UBE2Q2: variants seen among roughly 807,000 people sequenced by gnomAD.
UBE2Q2 encodes the protein ubiquitin conjugating enzyme E2 Q2, also known as ubiquitin-conjugating enzyme E2 Q2.
UBE2Q2 carries 54 observed loss-of-function variants against 59.9 expected under a neutral mutation model. The ratio of observed to expected loss-of-function variants is 0.90; its 90% CI spans 0.72 to 1.13. The LOEUF is 1.13. Among genes scored for constraint, UBE2Q2 ranks in the 50% most tolerant of loss-of-function variants. The pLI, the probability that UBE2Q2 is intolerant of heterozygous loss-of-function variation, is 0.00. For synonymous variants in UBE2Q2, 165 were observed against 155.2 expected (o/e 1.06, Z -0.47); for missense variants, 433 against 441.9 (o/e 0.98, Z 0.18).
chr15:75,876,065 C>CAAA (rs33923600), intron 5 of UBE2Q2, 122 bp from the exon 6 acceptor site: 68,150 of 529,132 alleles, frequency 0.13, 2,906 homozygotes, highest in African/African-American at 0.23. Flanking sequence ...ACTCCATCTC[C>CAAA]AAAAAAAAAA....
intron 8 of UBE2Q2, among the ~76,000 whole-genome samples, chr15:75,882,531 T>C (rs111280054): frequency 1.3e-5 from 2 of 152,268 alleles, no homozygotes; most frequent in African/African-American, 4.8e-5. Flanking sequence ...ATCTAAATAA[T>C]AGGAGGTTAA....
Position 75,877,662 on chromosome 15 carries a change from G to A in UBE2Q2, c.674-299G>A, listed in dbSNP as rs142814707. Among the ~76,000 whole-genome samples, 11 of 152,284 alleles carry A rather than the reference G, an allele frequency of 7.2e-5. No individual in the cohort carries two copies. In the East Asian group the frequency reaches 2.1e-3, roughly 29 times the overall value. On this transcript the variant is annotated intron_variant, in intron 6 of 12. Coordinates refer to ENST00000267938, the MANE Select transcript of UBE2Q2 (RefSeq NM_173469.4). ...GGATTCCATCTTTGTAGAAATGTGT[G>A]TTCATGGAAGAAAAGTCTTAAGTAC... is the stretch of plus-strand genomic sequence containing the variant.
At chr15:75,884,499 G>A (rs1898645068) in intron 9 of UBE2Q2, among the ~76,000 whole-genome samples, 1 of 152,082 alleles carries the variant, frequency 6.6e-6, no homozygotes, top group South Asian at 2.1e-4. Flanking sequence ...ACTAACTTTG[G>A]TGTTGATACT....
At chr15:75,856,338 A>C (rs927425663) in intron 2 of UBE2Q2, among the ~76,000 whole-genome samples, 12 of 151,208 alleles carry the variant, frequency 7.9e-5, no homozygotes, top group African/African-American at 2.9e-4. Flanking sequence ...TTGGAAGTTG[A>C]CAAAATGACT....
chr15:75,857,355 CAT>C (rs945979980), intron 2 of UBE2Q2, among the ~76,000 whole-genome samples: 121 of 152,218 alleles, frequency 7.9e-4, no homozygotes, highest in African/African-American at 2.8e-3. Context: ...ATTACATAAA[CAT>C]GTTCATAAGG....
At chr15:75,867,527 T>C (rs1466151037) in intron 3 of UBE2Q2, among the ~76,000 whole-genome samples, 4 of 152,340 alleles carry the variant, frequency 2.6e-5, no homozygotes, top group Non-Finnish European at 2.9e-5. Flanking sequence ...TAAAATTCTG[T>C]CATTTCAGTG....
chr15:75,843,506 C>T lies in UBE2Q2; in HGVS notation c.-161C>T. 2.9e-6 allele frequency: 1 copy of T among 347,524 alleles called. No homozygotes were observed. Among genetic ancestry groups the T allele is most frequent in the Non-Finnish European group, 4.7e-6 (1 of 211,658 alleles). 21.5% of individuals were successfully genotyped at this position (347,524 alleles called of 1,614,324 possible). A position where few individuals can be genotyped will look rare whatever the true frequency, so the allele number is the denominator to read the frequency against. On this transcript the variant is annotated 5_prime_UTR_variant, in exon 1 of 13. Transcript: ENST00000267938. ...CCGCCACACGCCGAGGCTTCCGCGC[C>T]CCTCGCCATTTTCCAGCAGCGCTCG...
intron 1 of UBE2Q2, among the ~76,000 whole-genome samples, chr15:75,847,634 C>G (rs1400160043): frequency 1.2e-4 from 19 of 152,128 alleles, no homozygotes; most frequent in Admixed American, 1.2e-3. Context: ...TTGTTACAAT[C>G]ACACCGAAAT....
intron 2 of UBE2Q2, among the ~76,000 whole-genome samples, chr15:75,856,199 A>G (rs575498340): frequency 5.5e-4 from 83 of 151,136 alleles, no homozygotes; most frequent in African/African-American, 1.5e-3. Flanking sequence ...AAAAAAATGT[A>G]TATATATATG....
At chr15:75,844,101 C>G (rs1206220519) in intron 1 of UBE2Q2, 20 of 1,414,770 alleles carry the variant, frequency 1.4e-5, no homozygotes, top group African/African-American at 1.5e-5. Flanking sequence ...CATCTCGGTC[C>G]CCGTCTCCTA....
intron 9 of UBE2Q2, among the ~76,000 whole-genome samples, chr15:75,886,570 G>A (rs1394189619): frequency 6.6e-6 from 1 of 152,140 alleles, no homozygotes; most frequent in Non-Finnish European, 1.5e-5. Flanking sequence ...GAAGAAATTT[G>A]CAAATTCAGA....
intron 2 of UBE2Q2, among the ~76,000 whole-genome samples, chr15:75,857,772 T>A (rs1328242780): frequency 1.8e-3 from 259 of 143,282 alleles, no homozygotes; most frequent in African/African-American, 6.3e-3. Flanking sequence ...AAAAAAAAAA[T>A]GCAGCCATTT....
intron 9 of UBE2Q2, among the ~76,000 whole-genome samples, chr15:75,889,952 T>C (rs1899000320): frequency 6.6e-6 from 1 of 152,178 alleles, no homozygotes; most frequent in Non-Finnish European, 1.5e-5. Flanking sequence ...CAGAACCATT[T>C]GATTCTCACA....
At position 75,879,077 on chromosome 15, in the gene UBE2Q2, T is replaced by G. The variant is rs200604187; in HGVS notation, c.735-21T>G. On this transcript the variant is annotated intron_variant, in intron 7 of 12. Coordinates refer to ENST00000267938, the MANE Select transcript of UBE2Q2 (RefSeq NM_173469.4). ...ATCTCTAACTTTTTATTTGAACTGT[T>G]TTTTGTTTTGTAATTCTTAGGGTTG... 3.0e-4 allele frequency: 459 copies of G among 1,524,402 alleles called. 1 individual carries two copies. The African/African-American group carries it at 5.7e-3, about 19-fold the overall frequency. 94.4% of individuals were successfully genotyped at this position (1,524,402 alleles called of 1,614,324 possible). A position where few individuals can be genotyped will look rare whatever the true frequency, so the allele number is the denominator to read the frequency against.
chr15:75,872,751 A>C (rs1230890901), intron 4 of UBE2Q2, among the ~76,000 whole-genome samples: 2 of 152,240 alleles, frequency 1.3e-5, no homozygotes, highest in East Asian at 3.9e-4. Context: ...AAATTAGGGG[A>C]AAGCATTAAA....
intron 8 of UBE2Q2, among the ~76,000 whole-genome samples, chr15:75,882,662 G>A (rs148226538): frequency 4.7e-4 from 72 of 152,076 alleles, no homozygotes; most frequent in Non-Finnish European, 8.0e-4. Context: ...TGTTAAGTTG[G>A]TATCTTGTGT....
At chr15:75,859,499 T>A (rs1387558103) in intron 2 of UBE2Q2, among the ~76,000 whole-genome samples, 1 of 152,228 alleles carries the variant, frequency 6.6e-6, no homozygotes, top group East Asian at 1.9e-4. Flanking sequence ...TCTGGGTTAT[T>A]TTTTCTGTTA....
chr15:75,868,610 A>G (rs1976748), intron 3 of UBE2Q2, among the ~76,000 whole-genome samples: 70,223 of 152,080 alleles, frequency 0.46, 16,981 homozygotes, highest in South Asian at 0.69. Flanking sequence ...TAAATAAGCC[A>G]TTGATCTTAT....
At chr15:75,872,169 A>G (rs931388792) in intron 4 of UBE2Q2, among the ~76,000 whole-genome samples, 2 of 152,008 alleles carry the variant, frequency 1.3e-5, no homozygotes, top group Admixed American at 6.6e-5. Flanking sequence ...TGAAGGCTGC[A>G]GTGAGCCGAG....
Sources: allele counts gnomAD v4.1 joint callset (sites outside exome capture counted in the v4.1 genomes callset), GRCh38; gene constraint gnomAD v4.1.1; transcripts MANE v1.5; gene names NCBI Gene and HGNC (gene_info 2026-07-23, HGNC 2026-07-21).